TMEM132D: variants seen among roughly 807,000 people sequenced by gnomAD.
TMEM132D encodes mature OL transmembrane protein.
A neutral mutation model predicts 62.3 loss-of-function variants in TMEM132D; 21 were observed. The observed-to-expected ratio is 0.34, with a 90% CI of 0.24 to 0.49. The LOEUF (loss-of-function observed/expected upper bound fraction) is 0.49, where lower values mean the gene tolerates loss of function less well. TMEM132D is among the 20% of genes least tolerant of loss of function. TMEM132D has a pLI of 0.99. For missense variants in TMEM132D, 1,346 were observed against 1,402.8 expected (o/e 0.96, Z 0.65); for synonymous variants, 621 against 575.6 (o/e 1.08, Z -1.13).
intron 4 of TMEM132D, among the ~76,000 whole-genome samples, chr12:129,213,899 G>A (rs1879129016): frequency 6.6e-6 from 1 of 152,192 alleles, no homozygotes; most frequent in African/African-American, 2.4e-5. Context: ...GTGTAAATGT[G>A]TATGTATCTC....
At chr12:129,460,077 GCAGA>G (rs1566076033) in intron 3 of TMEM132D, among the ~76,000 whole-genome samples, 5 of 152,130 alleles carry the variant, frequency 3.3e-5, no homozygotes. Context: ...ACTTTTGGCA[GCAGA>G]CAGAGCCACC....
intron 2 of TMEM132D, among the ~76,000 whole-genome samples, chr12:129,682,483 C>T (rs1227688250): frequency 6.6e-6 from 1 of 152,100 alleles, no homozygotes; most frequent in African/African-American, 2.4e-5. Context: ...GCAAACACAG[C>T]CCTTTTGTTT....
At chr12:129,590,106 C>T (rs1355723362) in intron 2 of TMEM132D, among the ~76,000 whole-genome samples, 1 of 152,024 alleles carries the variant, frequency 6.6e-6, no homozygotes, top group African/African-American at 2.4e-5. Context: ...TAAAGTGTTG[C>T]TCTTTTTATA....
intron 2 of TMEM132D, among the ~76,000 whole-genome samples, chr12:129,581,349 G>A (rs1877855495): frequency 6.6e-6 from 1 of 152,178 alleles, no homozygotes; most frequent in South Asian, 2.1e-4. Flanking sequence ...TAGGATAGAT[G>A]TATATCTGGA....
intron 7 of TMEM132D, among the ~76,000 whole-genome samples, chr12:129,080,112 A>G (rs1231680585): frequency 1.3e-5 from 2 of 152,238 alleles, no homozygotes; most frequent in Admixed American, 1.3e-4. Flanking sequence ...GGAGGTTGCA[A>G]GCTCTCATCT....
intron 1 of TMEM132D, among the ~76,000 whole-genome samples, chr12:129,896,492 G>A (rs1875138443): frequency 6.6e-6 from 1 of 152,142 alleles, no homozygotes; most frequent in Non-Finnish European, 1.5e-5. Context: ...TATCACTGAA[G>A]CGTCTTCCCA....
At chr12:129,099,643 G>T (rs116005962) in intron 5 of TMEM132D, among the ~76,000 whole-genome samples, 4 of 152,156 alleles carry the variant, frequency 2.6e-5, no homozygotes, top group Non-Finnish European at 5.9e-5. Flanking sequence ...ACCTCCAGAC[G>T]GCTCTATGCA....
intron 5 of TMEM132D, among the ~76,000 whole-genome samples, chr12:129,137,057 G>A (rs1024525275): frequency 6.5e-5 from 8 of 122,924 alleles, no homozygotes; most frequent in South Asian, 2.7e-4. Context: ...CATCATCGCC[G>A]TCATCATTAC....
chr12:129,161,906 C>T (rs1877411232), intron 5 of TMEM132D, among the ~76,000 whole-genome samples: 1 of 152,080 alleles, frequency 6.6e-6, no homozygotes, highest in Admixed American at 6.5e-5. Flanking sequence ...GTTGAATGAC[C>T]CAGAGAGGGG....
At chr12:129,677,747 T>C (rs1314520838) in intron 2 of TMEM132D, among the ~76,000 whole-genome samples, 1 of 152,026 alleles carries the variant, frequency 6.6e-6, no homozygotes, top group African/African-American at 2.4e-5. Flanking sequence ...CGTTTAGTAT[T>C]CTGATGTCCC....
At chr12:129,801,652 C>T (rs1023295128) in intron 1 of TMEM132D, among the ~76,000 whole-genome samples, 3 of 151,906 alleles carry the variant, frequency 2.0e-5, no homozygotes, top group Non-Finnish European at 4.4e-5. Flanking sequence ...CAAAGGAACG[C>T]AGTTCCTCAC....
intron 1 of TMEM132D, among the ~76,000 whole-genome samples, chr12:129,901,958 T>C (rs1455354246): frequency 6.6e-6 from 1 of 151,958 alleles, no homozygotes; most frequent in Non-Finnish European, 1.5e-5. Context: ...ACTGAATTCA[T>C]CAACCTTTTC....
intron 4 of TMEM132D, among the ~76,000 whole-genome samples, chr12:129,244,390 A>T (rs1880028602): frequency 2.1e-5 from 1 of 47,106 alleles, no homozygotes; most frequent in Non-Finnish European, 5.1e-5. Flanking sequence ...TGTCTCAAAA[A>T]AAAAAAAAAA....
chr12:129,688,130 A>G (rs371676833), intron 2 of TMEM132D, among the ~76,000 whole-genome samples: 1 of 152,172 alleles, frequency 6.6e-6, no homozygotes, highest in East Asian at 1.9e-4. Context: ...CATCCTGAAA[A>G]GAGAATTCAT....
intron 1 of TMEM132D, chr12:129,840,066 ATATAT>A (rs1171565086): frequency 6.6e-5 from 10 of 152,210 alleles, no homozygotes; most frequent in African/African-American, 2.4e-4. Context: ...GAATGTACTA[ATATAT>A]TATGTACATT....
chr12:129,872,407 C>G (rs931726916), intron 1 of TMEM132D, among the ~76,000 whole-genome samples: 4 of 152,194 alleles, frequency 2.6e-5, no homozygotes, highest in African/African-American at 9.6e-5. Flanking sequence ...TTAAACATCA[C>G]GATCCCCTGC....
At chr12:129,900,977 C>T (rs1348678124) in intron 1 of TMEM132D, among the ~76,000 whole-genome samples, 4 of 152,170 alleles carry the variant, frequency 2.6e-5, no homozygotes, top group Non-Finnish European at 5.9e-5. Flanking sequence ...TCATTTTCTG[C>T]TTATGAAATA....
chr12:129,800,193 T>C (rs1871719913), intron 1 of TMEM132D, among the ~76,000 whole-genome samples: 1 of 152,144 alleles, frequency 6.6e-6, no homozygotes, highest in African/African-American at 2.4e-5. Flanking sequence ...AGAAAGGACG[T>C]GGATTTAAGT....
At chr12:129,491,637 G>T (rs1030184119) in intron 3 of TMEM132D, among the ~76,000 whole-genome samples, 1 of 152,156 alleles carries the variant, frequency 6.6e-6, no homozygotes, top group Admixed American at 6.5e-5. Flanking sequence ...AGGAGCCTGG[G>T]TTTTTAAATC....
Sources: gnomAD v4.1 joint callset for allele counts (sites outside exome capture counted in the v4.1 genomes callset) on GRCh38, gnomAD v4.1.1 for gene constraint, MANE v1.5 for transcripts, NCBI Gene and HGNC (gene_info 2026-07-23, HGNC 2026-07-21) for gene names.